Variants in FOXJ2 observed in about 807,000 individuals in gnomAD.
FOXJ2 encodes forkhead box protein J2.
In FOXJ2, 18 loss-of-function variants were observed where a neutral mutation model predicts 68.4. The observed-to-expected ratio is 0.26, with a 90% CI of 0.18 to 0.39. FOXJ2 has a LOEUF of 0.39. Among genes scored for constraint, FOXJ2 ranks in the 10% least tolerant of loss-of-function variants. FOXJ2 has a pLI of 1.00. For missense variants in FOXJ2, 670 were observed against 726.5 expected, an observed-to-expected ratio of 0.92 and a Z score of 0.89; for synonymous variants, 274 against 263.2, an observed-to-expected ratio of 1.04 and a Z score of -0.40.
At chr12:8,039,308 C>T (rs759243478) in intron 1 of FOXJ2, among the ~76,000 whole-genome samples, 102 of 152,044 alleles carry the variant, frequency 6.7e-4, no homozygotes, top group Middle Eastern at 6.8e-3. Context: ...TAGGAAACAT[C>T]TTTAGACGTG....
At chr12:8,042,585 C>A in intron 2 of FOXJ2, 73 bp from the exon 3 acceptor site, 1 of 1,269,226 alleles carries the variant, frequency 7.9e-7, no homozygotes, top group South Asian at 1.2e-5. Context: ...TTTTGTGTGT[C>A]CCTCTGTGTT....
In FOXJ2 at chr12:8,048,297, A is replaced by C; in HGVS notation, c.1225+8A>C. On this transcript the variant is annotated splice_region_variant and intron_variant, in intron 7 of 10. Coordinates refer to ENST00000162391, the MANE Select transcript of FOXJ2 (RefSeq NM_018416.3). ...TCAACAACACTGGCTTTGGTGAGTA[A>C]GGAGGGTGCACAGTGATCTAGAGGA... 4 of 1,553,390 alleles carry C rather than the reference A, an allele frequency of 2.6e-6. No homozygotes were observed. The South Asian group carries it at 3.7e-5, about 14-fold the overall frequency.
rs1428697216 is a variant in FOXJ2, at chr12:8,040,496, A to C, written c.333+331A>C. Among the ~76,000 whole-genome samples the C allele has an allele frequency of 6.6e-6, 1 of 151,164 alleles. No homozygotes were observed. The highest frequency in any genetic ancestry group is 2.4e-5 in the African/African-American group (1 of 41,024). On this transcript the variant is annotated intron_variant, in intron 2 of 10. Transcript: ENST00000162391. The surrounding 1 kb of genome is among the most constrained non-coding windows in gnomAD (Gnocchi z 4.0). ...GGGTGCAATGGCATGATCTCGGCTC[A>C]CTGCAACTTCCACCTCCCAGGTTCA...
intron 2 of FOXJ2, among the ~76,000 whole-genome samples, chr12:8,041,368 A>AT (rs911170688): frequency 1.2e-4 from 18 of 149,590 alleles, no homozygotes; most frequent in African/African-American, 3.9e-4. Context: ...CAACCAGCTA[A>AT]TTTTTTTTGT....
chr12:8,039,165 C>T (rs980975544), intron 1 of FOXJ2, among the ~76,000 whole-genome samples: 15 of 151,850 alleles, frequency 9.9e-5, no homozygotes, highest in African/African-American at 3.1e-4. Context: ...ATCGTGATCT[C>T]TGTGTATGTG....
At position 8,044,791 on chromosome 12, in the gene FOXJ2, C is replaced by G. The variant is rs1202803803; in HGVS notation, c.650C>G (p.Ala217Gly). ...GTGSVDGGAV[A>G]AGASGRESAE... is the part of the protein sequence containing the mutation. ...GGATCTGTGGATGGTGGAGCAGTGG[C>G]AGCAGGGGCTTCAGGCCGAGAAAGT... Residue 217 changes from alanine to glycine, a missense_variant, in exon 6 of 11, where the codon GCA becomes GGA. Ala to Gly is a moderately conservative substitution (Grantham distance 60, BLOSUM62 0). Around this residue, in one of 2 missense-constraint regions of FOXJ2, gnomAD observed 555 missense variants for 562.2 expected, o/e 0.99. Coordinates refer to ENST00000162391, the MANE Select transcript of FOXJ2 (RefSeq NM_018416.3). 16 of 1,613,814 alleles carry G rather than the reference C, an allele frequency of 9.9e-6. No individual in the cohort carries two copies. In the East Asian group the frequency reaches 3.6e-4, roughly 36 times the overall value.
chr12:8,051,015 T>TTTCCC (rs1229710756), intron 10 of FOXJ2, among the ~76,000 whole-genome samples: 7 of 91,382 alleles, frequency 7.7e-5, no homozygotes, highest in East Asian at 4.0e-4. Flanking sequence ...TCCCCTTCCC[T>TTTCCC]TTCCCTTCCC....
chr12:8,032,857 A>G lies in FOXJ2; in HGVS notation c.-991A>G. On this transcript the variant is annotated 5_prime_UTR_variant, in exon 1 of 11. Transcript: ENST00000162391. The surrounding 1 kb of genome is among the most constrained non-coding windows in gnomAD (Gnocchi z 4.8). ...CCACGCGCCGAAGGGAGCGGACCCG[A>G]CAGGACGGCCCTAGAGGAGGTGCTG... 2.5e-6 allele frequency: 1 copy of G among 398,180 alleles called. No individual in the cohort carries two copies. Among genetic ancestry groups the G allele is most frequent in the Non-Finnish European group, 4.4e-6 (1 of 225,864 alleles). 24.7% of individuals were successfully genotyped at this position (398,180 alleles called of 1,614,324 possible). A position where few individuals can be genotyped will look rare whatever the true frequency, so the allele number is the denominator to read the frequency against.
In FOXJ2 at chr12:8,048,790, A is replaced by C; in HGVS notation, c.1319A>C (p.Gln440Pro). The C allele has an allele frequency of 6.2e-7, 1 of 1,613,862 alleles. No individual in the cohort carries two copies. Among genetic ancestry groups the C allele is most frequent in the Non-Finnish European group, 8.5e-7 (1 of 1,179,864 alleles). Residue 440 changes from glutamine (Q) to proline (P), a missense_variant, in exon 8 of 11, where the codon CAA becomes CCA. Physicochemically the swap from Gln to Pro is moderately conservative, Grantham distance 76. Coordinates refer to ENST00000162391, the MANE Select transcript of FOXJ2 (RefSeq NM_018416.3). ...AATTGGTCCAGCATTGAGCAGTCACAATTCTCAGGTTAGTGATCAAAGGAC... is the reference window on the plus strand; with the variant it reads ...AATTGGTCCAGCATTGAGCAGTCACCATTCTCAGGTTAGTGATCAAAGGAC... ...RLNWSSIEQS[Q>P]FSELMESLRQ... is the part of the protein sequence containing the mutation.
chr12:8,052,965 TTTG>T lies in FOXJ2; in HGVS notation c.*118_*120del. On this transcript the variant is annotated 3_prime_UTR_variant, in exon 11 of 11. Transcript: ENST00000162391. Reference sequence around the variant, plus strand: ...TCTGTATATAGACATATATCCTCTTTTTGTTCTTTCTCTGTCAGAGAAGCCACT... The same window carrying T: ...TCTGTATATAGACATATATCCTCTTTTTCTTTCTCTGTCAGAGAAGCCACT... The T allele has an allele frequency of 1.6e-6, 1 of 634,854 alleles. No individual in the cohort carries two copies. Among genetic ancestry groups the T allele is most frequent in the Non-Finnish European group, 2.6e-6 (1 of 379,906 alleles). The allele number at this position is 634,854 out of a possible 1,614,324, so 39.3% of individuals were successfully genotyped here.
At chr12:8,034,419 C>T (rs777526966) in intron 1 of FOXJ2, among the ~76,000 whole-genome samples, 5 of 152,206 alleles carry the variant, frequency 3.3e-5, no homozygotes, top group Admixed American at 1.3e-4. Flanking sequence ...CATTTCCATT[C>T]CTAGCTGGAT....
Position 8,049,395 on chromosome 12 carries a change from A to G in FOXJ2, c.1361A>G (p.Lys454Arg). 1.2e-6 allele frequency: 2 copies of G among 1,613,920 alleles called. No individual in the cohort carries two copies. The highest frequency in any genetic ancestry group is 1.7e-6 in the Non-Finnish European group (2 of 1,179,942). The change falls in exon 9 of 11, where the codon AAG (lysine) becomes AGG (arginine). Residue 454 changes from lysine to arginine, a missense_variant. Lys to Arg is a conservative substitution (Grantham distance 26, BLOSUM62 2). This residue lies in a region of FOXJ2 where 555 missense variants were observed against 562.2 expected (regional missense o/e 0.99). Transcript: ENST00000162391. Reference sequence around the variant, plus strand: ...GAGAGTCTACGACAGGCAGAGCAGAAGAACTGGACCCTCGACCAGCATCAC... The same window carrying G: ...GAGAGTCTACGACAGGCAGAGCAGAGGAACTGGACCCTCGACCAGCATCAC... ...LMESLRQAEQKNWTLDQHHIA... is the reference protein window; with the variant it reads ...LMESLRQAEQRNWTLDQHHIA...
At chr12:8,041,919 C>T (rs1297319612) in intron 2 of FOXJ2, among the ~76,000 whole-genome samples, 1 of 151,472 alleles carries the variant, frequency 6.6e-6, no homozygotes, top group Non-Finnish European at 1.5e-5. Flanking sequence ...CTCTTGTTCA[C>T]TAGGCTGGAG....
chr12:8,042,683 TCAA>T lies in FOXJ2; in HGVS notation c.363_365del (p.Asn121del). ...AATTCAATACGGCACAACCTTTCTC[TCAA>T]CAAGTGTTTCCGGAAGGTGCCCAGA... is the stretch of plus-strand genomic sequence containing the variant. On this transcript the variant is annotated inframe_deletion, in exon 3 of 11. Coordinates refer to ENST00000162391, the MANE Select transcript of FOXJ2 (RefSeq NM_018416.3). The T allele has an allele frequency of 6.2e-7, 1 of 1,614,168 alleles. No individual in the cohort carries two copies. The highest frequency in any genetic ancestry group is 8.5e-7 in the Non-Finnish European group (1 of 1,180,020).
rs141222876 is a variant in FOXJ2, at chr12:8,048,759, C to T, written c.1288C>T (p.Arg430Trp). 3.7e-6 allele frequency: 6 copies of T among 1,614,064 alleles called. No individual in the cohort carries two copies. Among genetic ancestry groups the T allele is most frequent in the South Asian group, 1.1e-5 (1 of 91,078 alleles). ...SLKESFKMVN[R>W]LNWSSIEQSQ... ...AAAGGAAAGCTTCAAGATGGTGAAT[C>T]GGCTCAATTGGTCCAGCATTGAGCA... The change falls in exon 8 of 11, where the codon CGG (arginine) becomes TGG (tryptophan). Residue 430 changes from arginine (R) to tryptophan (W), a missense_variant. By Grantham distance (101) the Arg-to-Trp change is moderately radical. This residue lies in a region of FOXJ2 where 555 missense variants were observed against 562.2 expected (regional missense o/e 0.99). Coordinates refer to ENST00000162391, the MANE Select transcript of FOXJ2 (RefSeq NM_018416.3).
chr12:8,054,037 G>A lies in FOXJ2; in HGVS notation c.*1187G>A, dbSNP rs985929776. ...AGGAGGATGGGGAGAGGAAAAAAGA[G>A]CTGGCAAAGAAATGGATAGGGAATA... On this transcript the variant is annotated 3_prime_UTR_variant, in exon 11 of 11. Coordinates refer to ENST00000162391, the MANE Select transcript of FOXJ2 (RefSeq NM_018416.3). The A allele has an allele frequency of 1.3e-5, 2 of 152,194 alleles. No homozygotes were observed. Among genetic ancestry groups the A allele is most frequent in the African/African-American group, 4.8e-5 (2 of 41,448 alleles). 9.4% of individuals were successfully genotyped at this position (152,194 alleles called of 1,614,324 possible). A position where few individuals can be genotyped will look rare whatever the true frequency, so the allele number is the denominator to read the frequency against.
chr12:8,045,174 T>G (rs906023306), intron 6 of FOXJ2, among the ~76,000 whole-genome samples: 14 of 150,498 alleles, frequency 9.3e-5, no homozygotes, highest in African/African-American at 3.4e-4. Context: ...TTCTCGAGTA[T>G]CTGGGAGTAC....
Position 8,048,218 on chromosome 12 carries a change from A to G in FOXJ2, c.1154A>G (p.His385Arg). The G allele has an allele frequency of 6.2e-7, 1 of 1,606,612 alleles. No individual in the cohort carries two copies. Among genetic ancestry groups the G allele is most frequent in the Non-Finnish European group, 8.5e-7 (1 of 1,176,318 alleles). Reference sequence around the variant, plus strand: ...CCTCATCAGCACCATCCCCACTCCCACCCTGCCCAGCAGCCACCACCTCCA... The same window carrying G: ...CCTCATCAGCACCATCCCCACTCCCGCCCTGCCCAGCAGCCACCACCTCCA... ...YHPHQHHPHS[H>R]PAQQPPPPQP... The change falls in exon 7 of 11, where the codon CAC (histidine) becomes CGC (arginine). Residue 385 changes from histidine to arginine, a missense_variant. Transcript: ENST00000162391.
intron 1 of FOXJ2, among the ~76,000 whole-genome samples, chr12:8,039,186 T>G (rs777019315): frequency 4.6e-5 from 7 of 152,126 alleles, no homozygotes; most frequent in East Asian, 1.9e-4. Context: ...CTTCACTGTT[T>G]ATGAGTCTGT....
Sources: gnomAD v4.1 joint callset for allele counts (sites outside exome capture counted in the v4.1 genomes callset) on GRCh38, gnomAD v4.1.1 for gene constraint, gnomAD v4.1.1 regional missense constraint, Gnocchi (gnomAD v3.1) non-coding constraint, MANE v1.5 for transcripts, NCBI Gene and HGNC (gene_info 2026-07-23, HGNC 2026-07-21) for gene names.